Variants in ARMC8 observed in about 807,000 individuals in gnomAD.
ARMC8 encodes armadillo repeat-containing protein 8.
Under a neutral mutation model 99.3 loss-of-function variants are expected in ARMC8, and 20 were observed. That is an observed-to-expected ratio of 0.20 (90% CI 0.14 to 0.29). ARMC8 has a LOEUF of 0.29. ARMC8 is among the 10% of genes least tolerant of loss of function. The pLI is 1.00. For missense variants in ARMC8, 569 were observed against 809.5 expected (o/e 0.70, Z 3.60); for synonymous variants, 263 against 278.3 (o/e 0.95, Z 0.55).
Position 138,228,324 on chromosome 3 carries a change from G to A in ARMC8, c.436-594G>A, listed in dbSNP as rs187948982. Among the ~76,000 whole-genome samples the A allele has an allele frequency of 1.5e-4, 23 of 152,346 alleles. No homozygotes were observed. The East Asian group carries it at 4.2e-3, about 28-fold the overall frequency. The stretch of plus-strand genomic sequence containing the variant: ...AATTCTTGGAGAGACTTGCAGCAGA[G>A]TGGGTTGATTATTTTCTCTTTTTCT... On this transcript the variant is annotated intron_variant, in intron 5 of 21. Coordinates refer to ENST00000469044, the MANE Select transcript of ARMC8 (RefSeq NM_001363941.2).
intron 19 of ARMC8, chr3:138,287,832 G>A (rs992947366): frequency 1.2e-5 from 4 of 327,068 alleles, no homozygotes; most frequent in South Asian, 5.2e-5. Context: ...TCTCTCAGAT[G>A]TGCATAAATT....
chr3:138,227,064 A>T (rs780359926), intron 5 of ARMC8, among the ~76,000 whole-genome samples: 1 of 152,180 alleles, frequency 6.6e-6, no homozygotes, highest in South Asian at 2.1e-4. Flanking sequence ...TGTTTGAGCA[A>T]CTCTGGCAGT....
At chr3:138,271,719 A>G (rs75120988) in intron 16 of ARMC8, among the ~76,000 whole-genome samples, 5,169 of 151,956 alleles carry the variant, frequency 0.034, 311 homozygotes, top group African/African-American at 0.12. Flanking sequence ...CTAATGTCTT[A>G]GCTCTTTAAT....
intron 18 of ARMC8, among the ~76,000 whole-genome samples, chr3:138,277,052 G>A (rs1183884870): frequency 1.3e-5 from 2 of 152,170 alleles, no homozygotes; most frequent in East Asian, 3.9e-4. Context: ...AATGAAGACA[G>A]TATGGTCTTA....
chr3:138,232,825 A>G (rs140696115), intron 6 of ARMC8, among the ~76,000 whole-genome samples: 2 of 152,366 alleles, frequency 1.3e-5, no homozygotes, highest in Non-Finnish European at 2.9e-5. Flanking sequence ...ACCTTAAGGC[A>G]GGAGAACAGA....
At position 138,278,249 on chromosome 3, in the gene ARMC8, G is replaced by A. The variant is rs568205483; in HGVS notation, c.1725+3705G>A. 1.4e-4 allele frequency among the ~76,000 whole-genome samples: 22 copies of A among 152,214 alleles called. No homozygotes were observed. The East Asian group carries it at 2.1e-3, about 15-fold the overall frequency. On this transcript the variant is annotated intron_variant, in intron 18 of 21. Coordinates refer to ENST00000469044, the MANE Select transcript of ARMC8 (RefSeq NM_001363941.2). ...TAGGCCAGGCACGGTGGCTCACACC[G>A]TGATCCCAGCACTTTGGGAGGCTGA...
intron 16 of ARMC8, among the ~76,000 whole-genome samples, chr3:138,270,554 TA>T (rs1291786021): frequency 6.6e-6 from 1 of 152,208 alleles, no homozygotes. Context: ...ACAGAATGAT[TA>T]TTTTTTTTAA....
intron 6 of ARMC8, among the ~76,000 whole-genome samples, chr3:138,234,324 A>C (rs113483984): frequency 2.6e-5 from 4 of 152,140 alleles, no homozygotes; most frequent in African/African-American, 9.6e-5. Flanking sequence ...GTTGACCAGG[A>C]TGGTCTTGAT....
chr3:138,265,592 C>G (rs939350298), intron 14 of ARMC8, among the ~76,000 whole-genome samples: 1 of 152,074 alleles, frequency 6.6e-6, no homozygotes, highest in African/African-American at 2.4e-5. Flanking sequence ...ACCATTCAGG[C>G]AGGAAGAATA....
chr3:138,251,142 AG>A (rs2047106496), intron 12 of ARMC8, among the ~76,000 whole-genome samples: 1 of 151,960 alleles, frequency 6.6e-6, no homozygotes, highest in Non-Finnish European at 1.5e-5. Flanking sequence ...ACTACAGCCT[AG>A]GTGACAGAGT....
At position 138,274,560 on chromosome 3, in the gene ARMC8, C is replaced by G; in HGVS notation, c.1725+16C>G. ...CAAAGAGCAGGTACGTTGTTCCTTTCTCTTGGGGAATATTTTCTGAATGTG... is the reference window on the plus strand; with the variant it reads ...CAAAGAGCAGGTACGTTGTTCCTTTGTCTTGGGGAATATTTTCTGAATGTG... On this transcript the variant is annotated intron_variant, in intron 18 of 21. Transcript: ENST00000469044. 6.4e-7 allele frequency: 1 copy of G among 1,566,612 alleles called. No homozygotes were observed. The highest frequency in any genetic ancestry group is 8.8e-7 in the Non-Finnish European group (1 of 1,139,222).
chr3:138,216,811 CAT>C (rs549475625), intron 2 of ARMC8, among the ~76,000 whole-genome samples: 10 of 152,164 alleles, frequency 6.6e-5, no homozygotes, highest in Admixed American at 5.9e-4. Flanking sequence ...CAGAAATACA[CAT>C]AGAGTATTCC....
At chr3:138,257,327 A>T (rs2047457395) in intron 12 of ARMC8, among the ~76,000 whole-genome samples, 1 of 152,136 alleles carries the variant, frequency 6.6e-6, no homozygotes, top group African/African-American at 2.4e-5. Flanking sequence ...TGGTATGAGG[A>T]TATACTCAAG....
At chr3:138,233,816 C>T (rs1160945954) in intron 6 of ARMC8, among the ~76,000 whole-genome samples, 4 of 152,150 alleles carry the variant, frequency 2.6e-5, no homozygotes, top group South Asian at 2.1e-4. Flanking sequence ...GAGCCCAGAC[C>T]GATAGCCAAC....
At chr3:138,251,343 G>C (rs1207071593) in intron 12 of ARMC8, among the ~76,000 whole-genome samples, 3 of 152,068 alleles carry the variant, frequency 2.0e-5, no homozygotes, top group East Asian at 1.9e-4. Context: ...TTGTATTTTT[G>C]TCTACCGTGA....
intron 1 of ARMC8, 135 bp downstream of exon 1, chr3:138,187,734 TG>T (rs2043144153): frequency 7.3e-6 from 7 of 955,472 alleles, no homozygotes; most frequent in Middle Eastern, 2.9e-4. Flanking sequence ...GGCCAGGGAG[TG>T]AGCGAGGGTG....
At chr3:138,288,393 G>A (rs1016993577) in intron 19 of ARMC8, among the ~76,000 whole-genome samples, 1 of 152,238 alleles carries the variant, frequency 6.6e-6, no homozygotes, top group African/African-American at 2.4e-5. Context: ...TCATATGACA[G>A]TGTTTCCTCG....
intron 19 of ARMC8, among the ~76,000 whole-genome samples, chr3:138,287,422 A>G (rs2050538478): frequency 6.6e-6 from 1 of 152,160 alleles, no homozygotes; most frequent in Non-Finnish European, 1.5e-5. Flanking sequence ...TGTTTTGTGC[A>G]TTCCACCTAA....
At chr3:138,245,586 A>G (rs995001420) in intron 12 of ARMC8, 38 of 1,022,526 alleles carry the variant, frequency 3.7e-5, no homozygotes, top group East Asian at 1.8e-4. Context: ...TCAAATCTCT[A>G]TTGTATATTG....
Sources: gnomAD v4.1 joint callset for allele counts (sites outside exome capture counted in the v4.1 genomes callset) on GRCh38, gnomAD v4.1.1 for gene constraint, MANE v1.5 for transcripts, NCBI Gene and HGNC (gene_info 2026-07-23, HGNC 2026-07-21) for gene names.